The following CACNA2D1 variants were observed in gnomAD, a reference collection of about 807,000 sequenced individuals.
The protein encoded by CACNA2D1 is calcium voltage-gated channel auxiliary subunit alpha2delta 1.
Under a neutral mutation model 171.5 loss-of-function variants are expected in CACNA2D1, and 53 were observed. The observed-to-expected ratio is 0.31, with a 90% CI of 0.25 to 0.39. CACNA2D1 has a LOEUF of 0.39. Among genes scored for constraint, CACNA2D1 ranks in the 10% least tolerant of loss-of-function variants. CACNA2D1 has a pLI of 1.00. For missense variants in CACNA2D1, 903 were observed against 1,299.8 expected (o/e 0.69, Z 4.69); for synonymous variants, 442 against 443.1 (o/e 1.00, Z 0.03).
chr7:82,288,242 T>C (rs1811082487), intron 3 of CACNA2D1, among the ~76,000 whole-genome samples: 1 of 152,128 alleles, frequency 6.6e-6, no homozygotes, highest in Admixed American at 6.6e-5. Flanking sequence ...TGTTTTTCAG[T>C]ATTTCTTAAA....
intron 3 of CACNA2D1, among the ~76,000 whole-genome samples, chr7:82,183,102 C>G (rs75516570): frequency 0.012 from 1,832 of 151,830 alleles, 38 homozygotes; most frequent in African/African-American, 0.042. Context: ...ATTTTGACCT[C>G]CATAGTGAAA....
At chr7:82,221,602 C>T (rs1475432551) in intron 3 of CACNA2D1, among the ~76,000 whole-genome samples, 2 of 151,688 alleles carry the variant, frequency 1.3e-5, no homozygotes, top group Non-Finnish European at 2.9e-5. Flanking sequence ...AAAAAATAGC[C>T]GGCGTGATGG....
At chr7:82,006,149 C>T (rs1332609728) in intron 16 of CACNA2D1, among the ~76,000 whole-genome samples, 5 of 151,898 alleles carry the variant, frequency 3.3e-5, no homozygotes, top group African/African-American at 7.2e-5. Context: ...TGCTATTGTA[C>T]GGTCAGCCCT....
chr7:82,251,298 T>C (rs1304883503), intron 3 of CACNA2D1, among the ~76,000 whole-genome samples: 1 of 152,168 alleles, frequency 6.6e-6, no homozygotes, highest in Non-Finnish European at 1.5e-5. Flanking sequence ...AAACAGAGAT[T>C]TTAAATCCTG....
chr7:82,185,519 G>A (rs1276083800), intron 3 of CACNA2D1, among the ~76,000 whole-genome samples: 2 of 39,268 alleles, frequency 5.1e-5, no homozygotes, highest in Admixed American at 2.4e-4. Context: ...GGGGAGGAGG[G>A]GGAGGAGGAG....
intron 24 of CACNA2D1, among the ~76,000 whole-genome samples, chr7:81,981,716 AC>A (rs1163076706): frequency 6.6e-6 from 1 of 152,096 alleles, no homozygotes; most frequent in Non-Finnish European, 1.5e-5. Flanking sequence ...AATAAAGAAC[AC>A]CCTGGGACTA....
chr7:82,123,396 G>T (rs1789970105), intron 5 of CACNA2D1, among the ~76,000 whole-genome samples: 1 of 152,126 alleles, frequency 6.6e-6, no homozygotes, highest in Non-Finnish European at 1.5e-5. Flanking sequence ...TTTGCCTACT[G>T]CAAGAACACT....
intron 10 of CACNA2D1, among the ~76,000 whole-genome samples, chr7:82,042,860 T>G (rs1260648072): frequency 6.6e-6 from 1 of 152,162 alleles, no homozygotes; most frequent in Non-Finnish European, 1.5e-5. Flanking sequence ...CTCTCTTAAA[T>G]CTATCTCTTT....
chr7:82,416,431 T>C (rs1002004414), intron 1 of CACNA2D1, among the ~76,000 whole-genome samples: 2 of 152,018 alleles, frequency 1.3e-5, no homozygotes, highest in Non-Finnish European at 1.5e-5. Flanking sequence ...CCAGGTGGCT[T>C]AAAACAACAT....
chr7:82,276,352 C>G (rs1205216476), intron 3 of CACNA2D1, among the ~76,000 whole-genome samples: 2 of 152,146 alleles, frequency 1.3e-5, no homozygotes, highest in Admixed American at 6.5e-5. Context: ...TTTCATTTAG[C>G]CAATCAGATG....
chr7:82,270,460 T>C (rs573428016), intron 3 of CACNA2D1, among the ~76,000 whole-genome samples: 21 of 152,330 alleles, frequency 1.4e-4, no homozygotes, highest in African/African-American at 5.0e-4. Context: ...TTTCTGTGTA[T>C]GTATACACCT....
intron 10 of CACNA2D1, 124 bp downstream of exon 10, chr7:82,060,304 G>C: frequency 1.7e-6 from 1 of 591,064 alleles, no homozygotes; most frequent in Non-Finnish European, 3.0e-6. Flanking sequence ...AGGTCAGTAA[G>C]ATAGTCTTGC....
rs1812933193 is a variant in CACNA2D1 at position 82,103,462 on chromosome 7, T to C, written c.526+13582A>G. ...GAAAGGAATATTATAACACTGTGGT[T>C]ATGGCATTTTTTTACATAGAGTCCT... is the stretch of plus-strand genomic sequence containing the variant. On this transcript the variant is annotated intron_variant, in intron 6 of 38. Transcript: ENST00000356860. Among the ~76,000 whole-genome samples the C allele has an allele frequency of 2.0e-5, 3 of 152,306 alleles. No individual in the cohort carries two copies. In the South Asian group the frequency reaches 6.2e-4, roughly 32 times the overall value.
At chr7:82,111,446 T>A (rs12707472) in intron 6 of CACNA2D1, among the ~76,000 whole-genome samples, 44,877 of 79,832 alleles carry the variant, frequency 0.56, 12,485 homozygotes, top group South Asian at 0.59. Context: ...ATATATATAT[T>A]TTTTTTTTTT....
chr7:82,062,729 C>CTTTTTTT (rs71520797), intron 9 of CACNA2D1, among the ~76,000 whole-genome samples: 2 of 52,188 alleles, frequency 3.8e-5, no homozygotes, highest in Non-Finnish European at 6.7e-5. Flanking sequence ...GGTATATCTC[C>CTTTTTTT]TTTTTTTTTT....
At chr7:82,184,215 T>TC (rs1797442083) in intron 3 of CACNA2D1, among the ~76,000 whole-genome samples, 1 of 149,744 alleles carries the variant, frequency 6.7e-6, no homozygotes, top group South Asian at 2.1e-4. Context: ...GATGGATGTA[T>TC]CACATTCTGT....
At chr7:82,005,604 A>C in intron 17 of CACNA2D1, 107 bp from the exon 18 acceptor site, 1 of 870,510 alleles carries the variant, frequency 1.1e-6, no homozygotes, top group Non-Finnish European at 1.9e-6. Flanking sequence ...TAGCATGTTG[A>C]AAGATAACAT....
chr7:82,250,392 A>AT (rs1201335802), intron 3 of CACNA2D1, among the ~76,000 whole-genome samples: 4 of 152,180 alleles, frequency 2.6e-5, no homozygotes, highest in African/African-American at 7.2e-5. Flanking sequence ...ATAAATTCTC[A>AT]TTGTAGGAAA....
intron 3 of CACNA2D1, among the ~76,000 whole-genome samples, chr7:82,294,827 T>C (rs1406925993): frequency 1.3e-5 from 2 of 152,206 alleles, no homozygotes; most frequent in African/African-American, 4.8e-5. Flanking sequence ...TTTTAATTTA[T>C]ATTTTTCTAG....
Sources: gnomAD v4.1 joint callset for allele counts (sites outside exome capture counted in the v4.1 genomes callset) on GRCh38, gnomAD v4.1.1 for gene constraint, MANE v1.5 for transcripts, NCBI Gene and HGNC (gene_info 2026-07-23, HGNC 2026-07-21) for gene names.